The following MRAP2 variants were observed in gnomAD, a reference collection of about 807,000 sequenced individuals.
MRAP2 encodes melanocortin-2 receptor accessory protein 2.
In MRAP2, 20 loss-of-function variants were observed where a neutral mutation model predicts 17.4. That is an observed-to-expected ratio of 1.15 (90% CI 0.81 to 1.67). The LOEUF (loss-of-function observed/expected upper bound fraction) is 1.67, where lower values mean the gene tolerates loss of function less well. Ranked by LOEUF, MRAP2 falls within the 40% of genes most tolerant of loss-of-function variation. MRAP2 has a pLI of 0.00. For missense variants in MRAP2, 238 were observed against 240.0 expected (o/e 0.99, Z 0.05); for synonymous variants, 96 against 88.4 (o/e 1.09, Z -0.48).
chr6:84,067,730 G>GTTTTT (rs57643473), intron 3 of MRAP2, among the ~76,000 whole-genome samples: 12 of 125,628 alleles, frequency 9.6e-5, no homozygotes, highest in Non-Finnish European at 1.5e-4. Flanking sequence ...GGATGGAATT[G>GTTTTT]TTTTTTTTTT....
chr6:84,114,496 T>A, the MRAP2 span, among the ~76,000 whole-genome samples: 2 of 152,294 alleles, frequency 1.3e-5, no homozygotes, highest in Admixed American at 1.3e-4. Flanking sequence ...TCAAGGTTCT[T>A]AGCTTCCTTG....
the MRAP2 span, among the ~76,000 whole-genome samples, chr6:84,098,601 T>C: frequency 2.0e-5 from 3 of 152,338 alleles, no homozygotes; most frequent in East Asian, 5.8e-4. Context: ...ATGTGAATTC[T>C]GGTTGCTCCA....
chr6:84,055,209 G>A lies in MRAP2; in HGVS notation c.-7-103G>A, dbSNP rs1190611300. The A allele has an allele frequency of 2.3e-5, 31 of 1,361,588 alleles. No homozygotes were observed. The East Asian group carries it at 7.3e-4, about 32-fold the overall frequency. The allele number at this position is 1,361,588 out of a possible 1,614,324, so 84.3% of individuals were successfully genotyped here. Reference sequence around the variant, plus strand: ...CCTAGGAGGTAAGACCTCCTCAAGGGGTTTGCTGCCAAACTCCTGAATGCG... The same window carrying A: ...CCTAGGAGGTAAGACCTCCTCAAGGAGTTTGCTGCCAAACTCCTGAATGCG... On this transcript the variant is annotated intron_variant, in intron 1 of 3. Transcript: ENST00000257776.
At chr6:84,132,746 ACT>A in the MRAP2 span, among the ~76,000 whole-genome samples, 1 of 151,608 alleles carries the variant, frequency 6.6e-6, no homozygotes, top group Non-Finnish European at 1.5e-5. Context: ...CCATTCGTCT[ACT>A]CTTTTTTCAA....
At chr6:84,087,951 G>C (rs1354437696) in intron 3 of MRAP2, among the ~76,000 whole-genome samples, 2 of 152,086 alleles carry the variant, frequency 1.3e-5, no homozygotes, top group Admixed American at 1.3e-4. Context: ...TGATAATTTG[G>C]AGTTTAGTGA....
chr6:84,138,932 C>G, the MRAP2 span, among the ~76,000 whole-genome samples: 9 of 152,176 alleles, frequency 5.9e-5, no homozygotes, highest in African/African-American at 2.2e-4. Flanking sequence ...AAAACTGACA[C>G]TTGCGTAATT....
intron 1 of MRAP2, among the ~76,000 whole-genome samples, chr6:84,046,567 G>GT (rs2129160788): frequency 6.6e-6 from 1 of 152,080 alleles, no homozygotes; most frequent in African/African-American, 2.4e-5. Context: ...AGATCACCAG[G>GT]TCAGGAGATG....
chr6:84,054,890 T>C (rs1470027866), intron 1 of MRAP2, among the ~76,000 whole-genome samples: 1 of 152,200 alleles, frequency 6.6e-6, no homozygotes, highest in Non-Finnish European at 1.5e-5. Context: ...GATTGAGTAA[T>C]ACATCAAATT....
At chr6:84,088,347 TTCAC>T (rs999483341) in intron 3 of MRAP2, among the ~76,000 whole-genome samples, 4 of 152,202 alleles carry the variant, frequency 2.6e-5, no homozygotes, top group African/African-American at 4.8e-5. Context: ...AGTTATTTTA[TTCAC>T]TCATTGACTC....
At chr6:84,049,283 G>A (rs1462704732) in intron 1 of MRAP2, among the ~76,000 whole-genome samples, 1 of 152,110 alleles carries the variant, frequency 6.6e-6, no homozygotes, top group Non-Finnish European at 1.5e-5. Flanking sequence ...AACTTAGCCA[G>A]GCATGGTGGT....
intron 3 of MRAP2, among the ~76,000 whole-genome samples, chr6:84,084,843 G>A (rs1414427647): frequency 6.8e-6 from 1 of 146,160 alleles, no homozygotes; most frequent in Non-Finnish European, 1.5e-5. Context: ...TGGTATTTGA[G>A]AATCTCATTT....
chr6:84,130,338 C>T, the MRAP2 span, among the ~76,000 whole-genome samples: 1 of 151,996 alleles, frequency 6.6e-6, no homozygotes. Flanking sequence ...TGTGTTTCTG[C>T]CAGGTTTTGG....
chr6:84,141,730 T>C, the MRAP2 span, among the ~76,000 whole-genome samples: 1 of 152,192 alleles, frequency 6.6e-6, no homozygotes, highest in African/African-American at 2.4e-5. Context: ...AACAGAACAC[T>C]GTCTCAGGGA....
chr6:84,033,786 G>GGGCGGTGGGAGGCGGCGGCGGC lies in MRAP2; in HGVS notation c.-99_-78dup, dbSNP rs2099485170. The GGGCGGTGGGAGGCGGCGGCGGC allele has an allele frequency of 1.0e-6, 1 of 986,952 alleles. No individual in the cohort carries two copies. The highest frequency in any genetic ancestry group is 1.2e-6 in the Non-Finnish European group (1 of 831,006). 61.1% of individuals were successfully genotyped at this position (986,952 alleles called of 1,614,324 possible). ...ATCTAGGAGCTACTCGCCCGGCCCT[G>GGGCGGTGGGAGGCGGCGGCGGC]GGCGGTGGGAGGCGGCGGCGGCGGC... On this transcript the variant is annotated 5_prime_UTR_variant, in exon 1 of 4. Transcript: ENST00000257776.
chr6:84,033,709 C>T, upstream of MRAP2: 1 of 985,218 alleles, frequency 1.0e-6, no homozygotes, highest in Non-Finnish European at 1.2e-6. Flanking sequence ...GCTCCGGCGC[C>T]CCGCGCCGCC....
At chr6:84,134,221 G>T in the MRAP2 span, among the ~76,000 whole-genome samples, 2 of 152,284 alleles carry the variant, frequency 1.3e-5, no homozygotes, top group African/African-American at 4.8e-5. Context: ...CCAAGCTTGA[G>T]CATCCCAGGT....
At chr6:84,115,624 G>GA in the MRAP2 span, among the ~76,000 whole-genome samples, 24 of 150,058 alleles carry the variant, frequency 1.6e-4, no homozygotes, top group East Asian at 1.8e-3. Flanking sequence ...CTGGGGTATG[G>GA]AAAAAAAAAC....
At chr6:84,139,989 G>T in the MRAP2 span, among the ~76,000 whole-genome samples, 1 of 152,178 alleles carries the variant, frequency 6.6e-6, no homozygotes, top group Non-Finnish European at 1.5e-5. Context: ...ACTTTGCTGT[G>T]GGTCCCCAGT....
chr6:84,047,492 T>TAA (rs76197845), intron 1 of MRAP2, among the ~76,000 whole-genome samples: 4 of 142,080 alleles, frequency 2.8e-5, no homozygotes, highest in Admixed American at 1.4e-4. Flanking sequence ...AAGCCTAGCC[T>TAA]AAAAAAAAAA....
Sources: allele counts gnomAD v4.1 joint callset (sites outside exome capture counted in the v4.1 genomes callset), GRCh38; gene constraint gnomAD v4.1.1; transcripts MANE v1.5; gene names NCBI Gene and HGNC (gene_info 2026-07-23, HGNC 2026-07-21).